Variants in C10orf143 observed in about 807,000 individuals in gnomAD.
The protein encoded by C10orf143 is uncharacterized protein C10orf143.
intron 1 of C10orf143, among the ~76,000 whole-genome samples, chr10:130,100,229 G>A (rs1427853033): frequency 6.6e-6 from 1 of 151,930 alleles, no homozygotes; most frequent in Non-Finnish European, 1.5e-5. Context: ...TGCATGAACT[G>A]ACCAAAAATG....
chr10:130,101,408 G>A (rs1397183345), intron 1 of C10orf143, among the ~76,000 whole-genome samples: 2 of 152,148 alleles, frequency 1.3e-5, no homozygotes, highest in African/African-American at 4.8e-5. Context: ...AGAGACAAGA[G>A]ACACGTTCAA....
intron 1 of C10orf143, among the ~76,000 whole-genome samples, chr10:130,109,656 TGGA>T (rs1861725513): frequency 6.6e-6 from 1 of 152,116 alleles, no homozygotes; most frequent in South Asian, 2.1e-4. Context: ...AATTGGTACC[TGGA>T]GGAGGGGTGC....
intron 1 of C10orf143, among the ~76,000 whole-genome samples, chr10:130,094,892 G>T (rs558897576): frequency 6.6e-6 from 1 of 152,236 alleles, no homozygotes; most frequent in East Asian, 1.9e-4. Flanking sequence ...TCAGGCAAAA[G>T]AAAGAAATAA....
chr10:130,043,887 A>G (rs1254725658), intron 3 of C10orf143, among the ~76,000 whole-genome samples: 2 of 152,218 alleles, frequency 1.3e-5, no homozygotes, highest in African/African-American at 2.4e-5. Flanking sequence ...GTAGCTCGTC[A>G]TGATGGGAGG....
At chr10:130,093,555 A>T (rs1861415581) in intron 1 of C10orf143, among the ~76,000 whole-genome samples, 1 of 152,182 alleles carries the variant, frequency 6.6e-6, no homozygotes, top group Middle Eastern at 3.2e-3. Flanking sequence ...ACAAGAAATA[A>T]CTAAGATCAG....
At chr10:130,076,013 G>T (rs1861111374) in intron 3 of C10orf143, among the ~76,000 whole-genome samples, 1 of 145,862 alleles carries the variant, frequency 6.9e-6, no homozygotes, top group African/African-American at 2.5e-5. Context: ...GGAAATGATG[G>T]AGTCTCATTC....
intron 3 of C10orf143, among the ~76,000 whole-genome samples, chr10:130,070,050 G>A (rs1220731133): frequency 3.9e-5 from 6 of 152,056 alleles, no homozygotes; most frequent in East Asian, 3.9e-4. Flanking sequence ...AATGGGATTC[G>A]CATCTGACTG....
chr10:130,102,974 A>G (rs1590036035), intron 1 of C10orf143, among the ~76,000 whole-genome samples: 1 of 118,504 alleles, frequency 8.4e-6, no homozygotes, highest in Non-Finnish European at 1.8e-5. Flanking sequence ...CTTATAATTG[A>G]GTCTTTTTTT....
intron 1 of C10orf143, chr10:130,107,502 T>C: frequency 7.2e-7 from 1 of 1,382,124 alleles, no homozygotes; most frequent in Non-Finnish European, 1.0e-6. Flanking sequence ...AGACAAAAAT[T>C]AGCTGAAACA....
chr10:130,058,631 C>T (rs959842708), intron 3 of C10orf143, among the ~76,000 whole-genome samples: 28 of 139,580 alleles, frequency 2.0e-4, no homozygotes, highest in African/African-American at 4.6e-4. Flanking sequence ...CACATAGAAA[C>T]AGTAATTGAA....
chr10:130,042,876 T>C (rs143333141), intron 3 of C10orf143, among the ~76,000 whole-genome samples: 300 of 152,348 alleles, frequency 2.0e-3, no homozygotes, highest in African/African-American at 5.5e-3. Flanking sequence ...TAAGGAATTA[T>C]GGATCATTTT....
At chr10:130,050,425 G>A (rs56167170) in intron 3 of C10orf143, among the ~76,000 whole-genome samples, 1,763 of 152,324 alleles carry the variant, frequency 0.012, 15 homozygotes, top group Middle Eastern at 0.058. Context: ...ACGTGGCAGC[G>A]TGCGCCTGTG....
At chr10:130,109,099 C>T (rs562130374) in intron 1 of C10orf143, among the ~76,000 whole-genome samples, 2 of 152,280 alleles carry the variant, frequency 1.3e-5, no homozygotes, top group African/African-American at 2.4e-5. Context: ...TACACAGTCA[C>T]GTCTCTCTAG....
intron 1 of C10orf143, chr10:130,106,541 A>AT: frequency 3.1e-6 from 5 of 1,596,044 alleles, no homozygotes; most frequent in Non-Finnish European, 4.3e-6. Context: ...AAATGAATTG[A>AT]TGGCGGATAT....
At chr10:130,107,466 AT>A (rs1190013338) in intron 1 of C10orf143, 2 of 1,411,178 alleles carry the variant, frequency 1.4e-6, no homozygotes, top group Non-Finnish European at 2.0e-6. Flanking sequence ...AACCTCAATG[AT>A]TTAAGGAAAG....
intron 3 of C10orf143, among the ~76,000 whole-genome samples, chr10:130,050,468 G>A (rs542370904): frequency 6.6e-6 from 1 of 152,286 alleles, no homozygotes; most frequent in South Asian, 2.1e-4. Flanking sequence ...AAGCTGCAGT[G>A]AGCCCTGGTT....
intron 1 of C10orf143, among the ~76,000 whole-genome samples, chr10:130,103,292 T>C (rs1261887134): frequency 6.6e-6 from 1 of 152,166 alleles, no homozygotes; most frequent in Non-Finnish European, 1.5e-5. Flanking sequence ...TCTTGATTTT[T>C]TAATTCTCTG....
At chr10:130,043,639 C>A (rs1031675685) in intron 3 of C10orf143, among the ~76,000 whole-genome samples, 1 of 152,222 alleles carries the variant, frequency 6.6e-6, no homozygotes, top group African/African-American at 2.4e-5. Context: ...TAAGCACCCC[C>A]AGGTGCCCTG....
chr10:130,110,810 T>A lies in C10orf143; in HGVS notation c.-38A>T. ...TCAAACCCTCCCGGCATCTCAGGCCTGGCCGAGGCCCGCGCACCACGCCCC... is the reference window on the plus strand; with the variant it reads ...TCAAACCCTCCCGGCATCTCAGGCCAGGCCGAGGCCCGCGCACCACGCCCC... On this transcript the variant is annotated 5_prime_UTR_variant, in exon 1 of 4. Transcript: ENST00000637128. 2 of 398,854 alleles carry A rather than the reference T, an allele frequency of 5.0e-6. No homozygotes were observed. The allele number at this position is 398,854 out of a possible 1,614,324, so 24.7% of individuals were successfully genotyped here.
Sources: gnomAD v4.1 joint callset for allele counts (sites outside exome capture counted in the v4.1 genomes callset) on GRCh38, gnomAD v4.1.1 for gene constraint, MANE v1.5 for transcripts, NCBI Gene and HGNC (gene_info 2026-07-23, HGNC 2026-07-21) for gene names.